The following LTBP1 variants were observed in gnomAD, a reference collection of about 807,000 sequenced individuals.
LTBP1 encodes the protein latent transforming growth factor beta binding protein 1.
In LTBP1, 129 loss-of-function variants were observed where a neutral mutation model predicts 207.6. That is an observed-to-expected ratio of 0.62 (90% CI 0.54 to 0.72). LTBP1 has a LOEUF of 0.72. Among genes scored for constraint, LTBP1 ranks in the 30% least tolerant of loss-of-function variants. The pLI, the probability that LTBP1 is intolerant of heterozygous loss-of-function variation, is 0.00. For synonymous variants in LTBP1, 963 were observed against 833.7 expected (o/e 1.16, Z -2.67); for missense variants, 2,281 against 2,217.2 (o/e 1.03, Z -0.58).
intron 2 of LTBP1, among the ~76,000 whole-genome samples, chr2:32,955,913 G>A (rs1392795881): frequency 6.6e-6 from 1 of 152,116 alleles, no homozygotes; most frequent in African/African-American, 2.4e-5. Context: ...CCTCAGATAT[G>A]GAGGGTTCAG....
At position 33,398,522 on chromosome 2, in the gene LTBP1, G is replaced by A; in HGVS notation, c.5143G>A (p.Glu1715Lys). 1 of 1,614,078 alleles carries A rather than the reference G, an allele frequency of 6.2e-7. No homozygotes were observed. Among genetic ancestry groups the A allele is most frequent in the Non-Finnish European group, 8.5e-7 (1 of 1,179,966 alleles). ...CTPLNTALNL[E>K]KDSDLE ...TCCGTTGAATACCGCCTTGAATTTA[G>A]AGAAAGACAGTGACCTGGAGTGAAA... The change falls in exon 34 of 34, where the codon GAG becomes AAG. Residue 1715 changes from glutamate (E) to lysine (K), a missense_variant. Around this residue, in one of 3 missense-constraint regions of LTBP1, gnomAD observed 1,671 missense variants for 1,634.8 expected, o/e 1.02. Transcript: ENST00000404816.
In LTBP1 at chr2:33,347,510, G is replaced by A. The variant is rs1224243039; in HGVS notation, c.4000G>A (p.Asp1334Asn). The A allele has an allele frequency of 1.2e-6, 2 of 1,613,950 alleles. No individual in the cohort carries two copies. Residue 1334 changes from aspartate (D) to asparagine (N), a missense_variant and splice_region_variant, in exon 26 of 34, where the codon GAT becomes AAT. Physicochemically the swap from Asp to Asn is conservative, Grantham distance 23. Transcript: ENST00000404816. ...TGQCRSRTST[D>N]LDVDVDQPKE... Reference sequence around the variant, plus strand: ...GCAGTGCCGCTCCCGGACCTCCACAGGTAAGTCCCAGTGACACTGTGCAAG... The same window carrying A: ...GCAGTGCCGCTCCCGGACCTCCACAAGTAAGTCCCAGTGACACTGTGCAAG...
intron 2 of LTBP1, among the ~76,000 whole-genome samples, chr2:33,005,468 GA>G (rs1406592378): frequency 6.6e-6 from 1 of 152,266 alleles, no homozygotes; most frequent in Admixed American, 6.5e-5. Context: ...CAAGAAGGAA[GA>G]AGTGTTGCTG....
intron 11 of LTBP1, among the ~76,000 whole-genome samples, chr2:33,253,326 T>G (rs1210951833): frequency 1.3e-5 from 2 of 152,228 alleles, no homozygotes; most frequent in African/African-American, 2.4e-5. Context: ...ATTAATAACT[T>G]AAGGACAGAA....
At chr2:33,212,190 G>A (rs1357628804) in intron 7 of LTBP1, among the ~76,000 whole-genome samples, 1 of 152,220 alleles carries the variant, frequency 6.6e-6, no homozygotes, top group African/African-American at 2.4e-5. Context: ...CACATAGGAA[G>A]GGTTGAAAAG....
At chr2:33,236,151 G>T (rs1386566173) in intron 9 of LTBP1, among the ~76,000 whole-genome samples, 1 of 152,196 alleles carries the variant, frequency 6.6e-6, no homozygotes, top group Non-Finnish European at 1.5e-5. Context: ...CGGTCAACCA[G>T]ACTTGATAAT....
rs542592780 is a variant in LTBP1, at chr2:33,108,623, C to A, written c.864-1959C>A. On this transcript the variant is annotated intron_variant, in intron 3 of 33. Transcript: ENST00000404816. ...CTTACTTTTCTGGCTGTGGTTGGGG[C>A]ACGAATTAGGTGCAGTAGCCCAAGG... is the stretch of plus-strand genomic sequence containing the variant. Among the ~76,000 whole-genome samples, 12 of 152,190 alleles carry A rather than the reference C, an allele frequency of 7.9e-5. No homozygotes were observed. The East Asian group carries it at 2.1e-3, about 27-fold the overall frequency.
At chr2:33,211,182 CAT>C (rs1346690479) in intron 7 of LTBP1, among the ~76,000 whole-genome samples, 4 of 152,216 alleles carry the variant, frequency 2.6e-5, no homozygotes, top group African/African-American at 9.6e-5. Flanking sequence ...AGGTTCCTGA[CAT>C]GTGGCTATCT....
At chr2:33,161,716 ATATTT>A in intron 5 of LTBP1, among the ~76,000 whole-genome samples, 1 of 152,362 alleles carries the variant, frequency 6.6e-6, no homozygotes, top group Admixed American at 6.5e-5. Flanking sequence ...AAAGATTAAT[ATATTT>A]TAATTTATTA....
intron 20 of LTBP1, among the ~76,000 whole-genome samples, chr2:33,297,990 G>A (rs1358888400): frequency 6.6e-6 from 1 of 152,144 alleles, no homozygotes; most frequent in African/African-American, 2.4e-5. Flanking sequence ...TTAAACTGGG[G>A]TCATGGGTTT....
Position 33,293,196 on chromosome 2 carries a change from A to G in LTBP1, c.3149A>G (p.Asn1050Ser), listed in dbSNP as rs1353380850. Residue 1050 changes from asparagine (N) to serine (S), a missense_variant, in exon 20 of 34, where the codon AAT becomes AGT. By Grantham distance (46) the Asn-to-Ser change is conservative. Around this residue, in one of 3 missense-constraint regions of LTBP1, gnomAD observed 1,671 missense variants for 1,634.8 expected, o/e 1.02. Transcript: ENST00000404816. ...TGCCTGGAACCAAACGTCTGCGCAA[A>G]TGGTGATTGTTCCAACCTTGAAGGC... ...DECLEPNVCA[N>S]GDCSNLEGSY... 3.7e-6 allele frequency: 6 copies of G among 1,614,058 alleles called. No homozygotes were observed. The Admixed American group carries it at 1.0e-4, about 27-fold the overall frequency.
At chr2:33,164,594 A>T (rs1479106411) in intron 5 of LTBP1, among the ~76,000 whole-genome samples, 1 of 152,166 alleles carries the variant, frequency 6.6e-6, no homozygotes, top group African/African-American at 2.4e-5. Flanking sequence ...AGAAAAAAGC[A>T]TCATTTCTTA....
rs1465495649 is a variant in LTBP1 at position 32,947,757 on chromosome 2, C to A, written c.433C>A (p.Gln145Lys). 3.9e-6 allele frequency: 6 copies of A among 1,523,592 alleles called. No homozygotes were observed. Among genetic ancestry groups the A allele is most frequent in the Non-Finnish European group, 5.3e-6 (6 of 1,134,696 alleles). The allele number at this position is 1,523,592 out of a possible 1,614,324, so 94.4% of individuals were successfully genotyped here. ...GCAAGTTGTGCGCTCCAAGGTGCCG[C>A]AGGAGACCCAGAGCGGCGGAGGCTC... ...GRQVVRSKVP[Q>K]ETQSGGGSRL... Residue 145 changes from glutamine to lysine, a missense_variant, in exon 1 of 34, where the codon CAG becomes AAG. Gln to Lys is a moderately conservative substitution (Grantham distance 53). Transcript: ENST00000404816.
intron 5 of LTBP1, among the ~76,000 whole-genome samples, chr2:33,137,358 T>G (rs188675093): frequency 6.6e-6 from 1 of 152,246 alleles, no homozygotes; most frequent in African/African-American, 2.4e-5. Flanking sequence ...AGCTACTCCC[T>G]TTGATCTCTA....
rs372608080 is a variant in LTBP1 at position 32,964,551 on chromosome 2, TC to T, written c.565+15607del. ...CCTTAAAAGTAAATAGATTTTTTTT[TC>T]TTCCCAGTGCCAGTAGCATGTAGCT... On this transcript the variant is annotated intron_variant, in intron 2 of 33. Coordinates refer to ENST00000404816, the MANE Select transcript of LTBP1 (RefSeq NM_206943.4). Among the ~76,000 whole-genome samples the T allele has an allele frequency of 3.7e-3, 569 of 152,294 alleles. 3 individuals are homozygous for T. The highest frequency in any genetic ancestry group is 0.013 in the African/African-American group (552 of 41,574).
intron 31 of LTBP1, among the ~76,000 whole-genome samples, chr2:33,366,003 A>G (rs1263571986): frequency 6.6e-6 from 1 of 152,216 alleles, no homozygotes; most frequent in African/African-American, 2.4e-5. Flanking sequence ...AAGTATTTCA[A>G]CAAATCTCCT....
chr2:33,235,558 T>C (rs1217141919), intron 9 of LTBP1, among the ~76,000 whole-genome samples: 1 of 152,204 alleles, frequency 6.6e-6, no homozygotes, highest in Non-Finnish European at 1.5e-5. Flanking sequence ...ACTGGGTATA[T>C]ACCCAAAGGA....
At chr2:33,151,752 T>G (rs911102804) in intron 5 of LTBP1, among the ~76,000 whole-genome samples, 3 of 152,068 alleles carry the variant, frequency 2.0e-5, no homozygotes, top group Non-Finnish European at 4.4e-5. Flanking sequence ...CATAGAATAA[T>G]AGTCTCCAGT....
intron 5 of LTBP1, among the ~76,000 whole-genome samples, chr2:33,181,080 G>A (rs1474214917): frequency 6.6e-6 from 1 of 152,194 alleles, no homozygotes; most frequent in Non-Finnish European, 1.5e-5. Flanking sequence ...ACGATAACTT[G>A]AAATGGTCTG....
Sources: allele counts gnomAD v4.1 joint callset (sites outside exome capture counted in the v4.1 genomes callset), GRCh38; gene constraint gnomAD v4.1.1; regional missense constraint gnomAD v4.1.1; transcripts MANE v1.5; gene names NCBI Gene and HGNC (gene_info 2026-07-23, HGNC 2026-07-21).